Variants in WIPF2 observed in about 807,000 individuals in gnomAD.
WIPF2 encodes WAS/WASL interacting protein family member 2.
WIPF2 carries 23 observed loss-of-function variants against 38.8 expected under a neutral mutation model. That is an observed-to-expected ratio of 0.59 (90% CI 0.43 to 0.84). The LOEUF is 0.84. Among genes scored for constraint, WIPF2 ranks in the 40% least tolerant of loss-of-function variants. WIPF2 has a pLI of 0.00. For synonymous variants in WIPF2, 210 were observed against 223.2 expected (o/e 0.94, Z 0.53); for missense variants, 574 against 580.5 (o/e 0.99, Z 0.11).
Position 40,229,403 on chromosome 17 carries a change from G to T in WIPF2, c.-70+9911G>T, listed in dbSNP as rs867269720. Among the ~76,000 whole-genome samples, 12 of 151,750 alleles carry T rather than the reference G, an allele frequency of 7.9e-5. No individual in the cohort carries two copies. In the South Asian group the frequency reaches 2.5e-3, roughly 32 times the overall value. ...ATAACAGGTGTGAGCCGCCGCACCT[G>T]GCCAAAGACATTTATTCATTTATTT... On this transcript the variant is annotated intron_variant, in intron 1 of 7. Coordinates refer to ENST00000323571, the MANE Select transcript of WIPF2 (RefSeq NM_133264.5).
chr17:40,240,944 CAAAA>C (rs199547902), intron 1 of WIPF2, among the ~76,000 whole-genome samples: 3 of 87,014 alleles, frequency 3.4e-5, no homozygotes, highest in African/African-American at 8.7e-5. Flanking sequence ...GACTCCGTCT[CAAAA>C]AAAAAAAAAA....
intron 1 of WIPF2, among the ~76,000 whole-genome samples, chr17:40,221,488 A>G (rs2030234095): frequency 1.3e-5 from 2 of 151,920 alleles, no homozygotes; most frequent in Non-Finnish European, 1.5e-5. Context: ...AATCCCAGCT[A>G]CTTGGGAGGC....
At chr17:40,220,145 T>A (rs1056334369) in intron 1 of WIPF2, among the ~76,000 whole-genome samples, 2 of 151,994 alleles carry the variant, frequency 1.3e-5, no homozygotes, top group African/African-American at 2.4e-5. Context: ...GATGGAATTT[T>A]TTTTTTTTTG....
intron 1 of WIPF2, among the ~76,000 whole-genome samples, chr17:40,250,219 G>GGT (rs2071628747): frequency 1.6e-5 from 1 of 62,508 alleles, no homozygotes; most frequent in Admixed American, 1.9e-4. Flanking sequence ...ATTTTATCAT[G>GGT]TTTTTTTTTT....
chr17:40,270,052 G>C (rs2032202745), intron 5 of WIPF2, among the ~76,000 whole-genome samples: 1 of 151,954 alleles, frequency 6.6e-6, no homozygotes, highest in Admixed American at 6.6e-5. Flanking sequence ...TTCTGGCTCT[G>C]TCACTTGAAA....
chr17:40,270,698 T>C (rs2032224312), intron 5 of WIPF2, among the ~76,000 whole-genome samples: 1 of 152,124 alleles, frequency 6.6e-6, no homozygotes, highest in Non-Finnish European at 1.5e-5. Context: ...GAGCTTTAGT[T>C]TGAGTAGATT....
intron 5 of WIPF2, among the ~76,000 whole-genome samples, chr17:40,270,009 C>T (rs944877586): frequency 6.6e-6 from 1 of 152,060 alleles, no homozygotes; most frequent in African/African-American, 2.4e-5. Context: ...CATCCCAGGA[C>T]TTCTTTTGGA....
Position 40,256,537 on chromosome 17 carries a change from C to T in WIPF2, c.63+15C>T. ...CATTTCATCAGGTAGGTAGTCCTTC[C>T]ATTAGGCTATCTCAAAACCTTTGAG... On this transcript the variant is annotated intron_variant, in intron 2 of 7. Coordinates refer to ENST00000323571, the MANE Select transcript of WIPF2 (RefSeq NM_133264.5). 1 of 1,599,282 alleles carries T rather than the reference C, an allele frequency of 6.3e-7. No homozygotes were observed. The highest frequency in any genetic ancestry group is 8.5e-7 in the Non-Finnish European group (1 of 1,174,460).
At chr17:40,247,240 C>T (rs1174240637) in intron 1 of WIPF2, among the ~76,000 whole-genome samples, 1 of 84,470 alleles carries the variant, frequency 1.2e-5, no homozygotes, top group South Asian at 4.3e-4. Context: ...TTTTTTGAGA[C>T]AGGATCTTGC....
intron 2 of WIPF2, among the ~76,000 whole-genome samples, chr17:40,257,266 C>T (rs534663706): frequency 9.9e-5 from 15 of 152,128 alleles, no homozygotes; most frequent in South Asian, 2.1e-4. Context: ...TGTGAGCCAC[C>T]GCGCCCGGCT....
chr17:40,232,155 G>GGC (rs1567710149), intron 1 of WIPF2, among the ~76,000 whole-genome samples: 2 of 142,950 alleles, frequency 1.4e-5, no homozygotes, highest in African/African-American at 5.1e-5. Flanking sequence ...TGGGATTGCA[G>GGC]GCACATGCCA....
At chr17:40,258,124 C>T (rs748772255) in intron 2 of WIPF2, among the ~76,000 whole-genome samples, 3 of 152,088 alleles carry the variant, frequency 2.0e-5, no homozygotes, top group Non-Finnish European at 2.9e-5. Context: ...TGGCCGGGCA[C>T]GAGTGGCTCA....
chr17:40,283,153 TAAAAAAAAAAAAAAAAAAAAAAAAAAA>T lies in WIPF2; in HGVS notation c.*4941_*4967del, dbSNP rs71152662. The T allele has an allele frequency of 1.2e-4, 2 of 17,356 alleles. No individual in the cohort carries two copies. Among genetic ancestry groups the T allele is most frequent in the African/African-American group, 4.1e-4 (2 of 4,854 alleles). 1.1% of individuals were successfully genotyped at this position (17,356 alleles called of 1,614,324 possible). A position where few individuals can be genotyped will look rare whatever the true frequency, so the allele number is the denominator to read the frequency against. The stretch of plus-strand genomic sequence containing the variant: ...CTGAGCTGAGATCATGCCACTGCAC[TAAAAAAAAAAAAAAAAAAAAAAAAAAA>T]AAAAAAAAAAAATTCTAGAGTTCTA... On this transcript the variant is annotated 3_prime_UTR_variant, in exon 8 of 8. Transcript: ENST00000323571.
intron 7 of WIPF2, 32 bp downstream of exon 7, chr17:40,277,216 A>G: frequency 6.5e-7 from 1 of 1,532,914 alleles, no homozygotes; most frequent in South Asian, 1.2e-5. Flanking sequence ...TTTTTCCATA[A>G]TTGCATAGAA....
Position 40,277,111 on chromosome 17 carries a change from T to C in WIPF2, c.1209T>C (p.His403=). ...ATTTTGAGTCAAAGTATTCCTTCCA[T>C]CCAGTAGAAGACTTTCCTGCTCCAG... is the stretch of plus-strand genomic sequence containing the variant. ...LDDFESKYSF[H]PVEDFPAPEE... The change falls in exon 7 of 8, where the codon CAT becomes CAC. Residue 403 remains histidine, a synonymous_variant. Transcript: ENST00000323571. 3 of 1,613,258 alleles carry C rather than the reference T, an allele frequency of 1.9e-6. No homozygotes were observed. Among genetic ancestry groups the C allele is most frequent in the Non-Finnish European group, 2.5e-6 (3 of 1,179,660 alleles).
chr17:40,266,519 A>T (rs1052783975), intron 5 of WIPF2, among the ~76,000 whole-genome samples: 1 of 152,132 alleles, frequency 6.6e-6, no homozygotes, highest in East Asian at 1.9e-4. Context: ...TGAAAGTGAA[A>T]GCTTAATTGG....
chr17:40,270,437 C>T lies in WIPF2; in HGVS notation c.971-3353C>T, dbSNP rs564019452. ...CAGAAGCTTATTGGAGACAGCAGAA[C>T]CTGGCTGGGATGAGGGAGGGAGCTG... On this transcript the variant is annotated intron_variant, in intron 5 of 7. Coordinates refer to ENST00000323571, the MANE Select transcript of WIPF2 (RefSeq NM_133264.5). Among the ~76,000 whole-genome samples the T allele has an allele frequency of 3.3e-5, 5 of 151,406 alleles. No individual in the cohort carries two copies. The South Asian group carries it at 1.0e-3, about 32-fold the overall frequency.
intron 3 of WIPF2, 38 bp from the exon 4 acceptor site, chr17:40,262,487 A>T: frequency 6.5e-7 from 1 of 1,535,370 alleles, no homozygotes; most frequent in South Asian, 1.1e-5. Flanking sequence ...ACCAGCTGAG[A>T]GCATGTGAAA....
At chr17:40,230,487 A>G (rs143842608) in intron 1 of WIPF2, among the ~76,000 whole-genome samples, 1 of 152,236 alleles carries the variant, frequency 6.6e-6, no homozygotes, top group African/African-American at 2.4e-5. Context: ...GTGCAGTGAA[A>G]CAGTTTTTAT....
Sources: gnomAD v4.1 joint callset for allele counts (sites outside exome capture counted in the v4.1 genomes callset) on GRCh38, gnomAD v4.1.1 for gene constraint, MANE v1.5 for transcripts, NCBI Gene and HGNC (gene_info 2026-07-23, HGNC 2026-07-21) for gene names.